Variants in USP10 observed in about 807,000 individuals in gnomAD.
USP10 encodes the protein ubiquitin carboxyl-terminal hydrolase 10.
Under a neutral mutation model 84.5 loss-of-function variants are expected in USP10, and 22 were observed. That is an observed-to-expected ratio of 0.26 (90% confidence interval 0.19 to 0.37). USP10 has a LOEUF of 0.37. Among genes scored for constraint, USP10 ranks in the 10% least tolerant of loss-of-function variants. The probability of loss-of-function intolerance (pLI) is 1.00; values close to 1 mark genes in which losing one functional copy is unlikely to be tolerated. For missense variants in USP10, 1,019 were observed against 998.9 expected (o/e 1.02, Z -0.27); for synonymous variants, 454 against 387.6 (o/e 1.17, Z -2.01).
chr16:84,764,481 G>A (rs1424674052), intron 10 of USP10, among the ~76,000 whole-genome samples: 3 of 152,194 alleles, frequency 2.0e-5, no homozygotes, highest in African/African-American at 7.2e-5. Flanking sequence ...GGGACAGGGA[G>A]CTCCTCCCTT....
At chr16:84,740,919 T>C (rs1341362864) in intron 3 of USP10, among the ~76,000 whole-genome samples, 1 of 152,380 alleles carries the variant, frequency 6.6e-6, no homozygotes, top group Middle Eastern at 3.4e-3. Flanking sequence ...CTTATGGAGA[T>C]GCAATGATTT....
At chr16:84,775,271 A>T (rs1243723029) in intron 13 of USP10, 46 bp downstream of exon 13, 9 of 1,589,012 alleles carry the variant, frequency 5.7e-6, no homozygotes, top group Non-Finnish European at 7.8e-6. Context: ...AACACTGATG[A>T]AGGGGTTTAC....
chr16:84,762,520 G>A (rs1336818485), intron 8 of USP10, among the ~76,000 whole-genome samples: 3 of 151,938 alleles, frequency 2.0e-5, no homozygotes, highest in Non-Finnish European at 4.4e-5. Flanking sequence ...GTGAAACCCC[G>A]TCTCTACTAA....
intron 12 of USP10, 24 bp downstream of exon 12, chr16:84,772,709 G>T (rs1467811619): frequency 1.2e-6 from 2 of 1,612,420 alleles, no homozygotes; most frequent in Non-Finnish European, 1.7e-6. Flanking sequence ...AAGGTCGGGA[G>T]TGTTCGTGGT....
intron 2 of USP10, among the ~76,000 whole-genome samples, chr16:84,737,307 T>A (rs12934432): frequency 0.17 from 25,815 of 152,270 alleles, 2,524 homozygotes; most frequent in Middle Eastern, 0.31. Context: ...CCTTGCTCAC[T>A]TTGCATTTGT....
chr16:84,737,048 A>C (rs1200698242), intron 2 of USP10, among the ~76,000 whole-genome samples: 1 of 152,130 alleles, frequency 6.6e-6, no homozygotes, highest in East Asian at 1.9e-4. Flanking sequence ...TCGGCTTCCC[A>C]AAGTGCTGGG....
chr16:84,732,640 G>A lies in USP10; in HGVS notation c.22-795G>A, dbSNP rs190510252. ...TTTTGTATTTTTAGTAAAGATGGGG[G>A]TTTCACCATGTTGGCCAGGCTGGTC... On this transcript the variant is annotated intron_variant, in intron 1 of 13. Transcript: ENST00000219473. 3.4e-4 allele frequency: 104 copies of A among 303,858 alleles called. 2 individuals carry two copies. The East Asian group carries it at 0.011, about 31-fold the overall frequency. 18.8% of individuals were successfully genotyped at this position (303,858 alleles called of 1,614,324 possible). A position where few individuals can be genotyped will look rare whatever the true frequency, so the allele number is the denominator to read the frequency against.
intron 1 of USP10, among the ~76,000 whole-genome samples, chr16:84,713,191 C>T (rs1906534476): frequency 6.6e-6 from 1 of 152,210 alleles, no homozygotes; most frequent in Non-Finnish European, 1.5e-5. Flanking sequence ...ACCATTCACC[C>T]ACTAGTTATT....
At chr16:84,773,547 C>T (rs60972366) in intron 12 of USP10, among the ~76,000 whole-genome samples, 1 of 152,284 alleles carries the variant, frequency 6.6e-6, no homozygotes, top group Non-Finnish European at 1.5e-5. Context: ...CGTGAAGACT[C>T]AGACACTGTC....
chr16:84,751,686 G>A (rs181967980), intron 4 of USP10, among the ~76,000 whole-genome samples: 54 of 152,282 alleles, frequency 3.5e-4, no homozygotes, highest in Non-Finnish European at 6.6e-4. Flanking sequence ...CCAAATTGAT[G>A]GTAATGAGGA....
chr16:84,769,395 A>G (rs891280108), intron 11 of USP10, among the ~76,000 whole-genome samples: 9 of 152,208 alleles, frequency 5.9e-5, no homozygotes, highest in African/African-American at 1.9e-4. Flanking sequence ...CTTCTACCGT[A>G]TTTGCAGACT....
chr16:84,709,198 A>C (rs1449214989), intron 1 of USP10: 1 of 152,222 alleles, frequency 6.6e-6, no homozygotes. Context: ...AATCACAGTT[A>C]CGTACACGTC....
chr16:84,730,145 A>G (rs1909021826), intron 1 of USP10, among the ~76,000 whole-genome samples: 1 of 152,168 alleles, frequency 6.6e-6, no homozygotes, highest in South Asian at 2.1e-4. Context: ...GCGTCCACTC[A>G]GTGCTACTGT....
At chr16:84,746,240 T>A (rs900867448) in intron 4 of USP10, among the ~76,000 whole-genome samples, 1 of 152,194 alleles carries the variant, frequency 6.6e-6, no homozygotes, top group Non-Finnish European at 1.5e-5. Flanking sequence ...TAGAAACAAT[T>A]CACAATAAAA....
intron 10 of USP10, among the ~76,000 whole-genome samples, chr16:84,766,713 T>G (rs569938900): frequency 6.6e-6 from 1 of 152,320 alleles, no homozygotes; most frequent in East Asian, 1.9e-4. Context: ...TGGCTCAGAT[T>G]GAACAGCTCT....
chr16:84,748,550 T>C (rs1470532331), intron 4 of USP10, among the ~76,000 whole-genome samples: 1 of 152,132 alleles, frequency 6.6e-6, no homozygotes, highest in Non-Finnish European at 1.5e-5. Flanking sequence ...GTGATCCTCC[T>C]GCCTCAGCCT....
At chr16:84,710,279 A>G (rs1302044599) in intron 1 of USP10, among the ~76,000 whole-genome samples, 2 of 152,134 alleles carry the variant, frequency 1.3e-5, no homozygotes, top group East Asian at 3.9e-4. Context: ...GAAAAAAAAA[A>G]AAAAAAAAGA....
intron 4 of USP10, among the ~76,000 whole-genome samples, chr16:84,750,417 A>G: frequency 6.6e-6 from 1 of 151,928 alleles, no homozygotes; most frequent in Admixed American, 6.6e-5. Context: ...AAAAAAAAAA[A>G]AAAACCCAAA....
At chr16:84,707,113 C>G (rs1905632333) in intron 1 of USP10, among the ~76,000 whole-genome samples, 1 of 152,144 alleles carries the variant, frequency 6.6e-6, no homozygotes, top group East Asian at 1.9e-4. Context: ...TGCTGGCCAT[C>G]AGGACCTTTT....
Sources: gnomAD v4.1 joint callset for allele counts (sites outside exome capture counted in the v4.1 genomes callset) on GRCh38, gnomAD v4.1.1 for gene constraint, MANE v1.5 for transcripts, NCBI Gene and HGNC (gene_info 2026-07-23, HGNC 2026-07-21) for gene names.